CMPK2: variants seen among roughly 807,000 people sequenced by gnomAD.
The protein encoded by CMPK2 is UMP-CMP kinase 2, mitochondrial.
Under a neutral mutation model 33.4 loss-of-function variants are expected in CMPK2, and 32 were observed. The observed-to-expected ratio is 0.96, with a 90% confidence interval of 0.72 to 1.29. CMPK2 has a LOEUF of 1.29. CMPK2 is among the 50% of genes most tolerant of loss of function. The pLI, the probability that CMPK2 is intolerant of heterozygous loss-of-function variation, is 0.00. For missense variants in CMPK2, 672 were observed against 616.0 expected, an observed-to-expected ratio of 1.09 and a Z score of -0.96; for synonymous variants, 299 against 275.3, an observed-to-expected ratio of 1.09 and a Z score of -0.85.
downstream of CMPK2, among the ~76,000 whole-genome samples, chr2:6,847,249 A>G (rs1009599593): frequency 5.3e-5 from 8 of 152,216 alleles, no homozygotes; most frequent in Admixed American, 4.6e-4. Context: ...GGCTGAAGTT[A>G]TGATTCACAG....
At chr2:6,856,213 A>G (rs756186889) in intron 3 of CMPK2, among the ~76,000 whole-genome samples, 4 of 152,276 alleles carry the variant, frequency 2.6e-5, no homozygotes, top group Non-Finnish European at 4.4e-5. Flanking sequence ...AATGCATAAA[A>G]TTTAGTTCAC....
intron 3 of CMPK2, among the ~76,000 whole-genome samples, chr2:6,842,628 G>A (rs1458049813): frequency 6.6e-6 from 1 of 152,196 alleles, no homozygotes; most frequent in African/African-American, 2.4e-5. Context: ...GAAAGACTGA[G>A]GGTTGATGCT....
chr2:6,845,192 TA>T (rs1298658070), downstream of CMPK2, among the ~76,000 whole-genome samples: 1 of 152,026 alleles, frequency 6.6e-6, no homozygotes, highest in Admixed American at 6.5e-5. Context: ...GAATAGTATA[TA>T]AAAAAAGACT....
upstream of CMPK2, chr2:6,866,497 G>A (rs755199990): frequency 2.0e-6 from 2 of 985,098 alleles, no homozygotes; most frequent in East Asian, 1.1e-4. Context: ...GGGAAGTGTC[G>A]CCCAGATTGG....
intron 2 of CMPK2, among the ~76,000 whole-genome samples, chr2:6,863,112 G>T (rs1334016159): frequency 2.0e-5 from 3 of 152,144 alleles, no homozygotes; most frequent in African/African-American, 2.4e-5. Context: ...TCTTCTGTCT[G>T]GAGGATGTTA....
In CMPK2 at chr2:6,848,823, C is replaced by G. The variant is rs750942668; in HGVS notation, c.*1027G>C. On this transcript the variant is annotated 3_prime_UTR_variant, in exon 5 of 5. Transcript: ENST00000256722. ...TTTTCTGTCTAAAGATATGTCAAAG[C>G]GATTTCATATGTAATCATGAGACAT... 1 of 985,636 alleles carries G rather than the reference C, an allele frequency of 1.0e-6. No individual in the cohort carries two copies. Among genetic ancestry groups the G allele is most frequent in the Non-Finnish European group, 1.2e-6 (1 of 829,892 alleles). 61.1% of individuals were successfully genotyped at this position (985,636 alleles called of 1,614,324 possible).
intron 3 of CMPK2, among the ~76,000 whole-genome samples, chr2:6,855,248 G>A (rs1264393458): frequency 4.0e-5 from 6 of 151,590 alleles, no homozygotes; most frequent in African/African-American, 1.2e-4. Flanking sequence ...TGCTGTTCTC[G>A]TGATGGTGAG....
At chr2:6,841,112 TG>T (rs1662221770) in intron 3 of CMPK2, among the ~76,000 whole-genome samples, 1 of 152,116 alleles carries the variant, frequency 6.6e-6, no homozygotes, top group Non-Finnish European at 1.5e-5. Flanking sequence ...TGAGACCCCT[TG>T]GGTAACAGCT....
chr2:6,854,060 C>G (rs900273311), intron 3 of CMPK2, among the ~76,000 whole-genome samples: 1 of 152,170 alleles, frequency 6.6e-6, no homozygotes, highest in Non-Finnish European at 1.5e-5. Context: ...ACTTACCCAA[C>G]TCCTGTTACT....
chr2:6,850,805 G>A (rs1662495191), intron 4 of CMPK2: 1 of 985,748 alleles, frequency 1.0e-6, no homozygotes, highest in Non-Finnish European at 1.2e-6. Context: ...TTCTGCTTCA[G>A]TTTTTAAAGG....
Position 6,849,300 on chromosome 2 carries a change from T to C in CMPK2, c.*550A>G. ...TTACCCAAAAATGGCTCTGCAGGAG[T>C]GTCCTTGGGCAGCCAGGACACATAG... On this transcript the variant is annotated 3_prime_UTR_variant, in exon 5 of 5. Transcript: ENST00000256722. 1 of 985,250 alleles carries C rather than the reference T, an allele frequency of 1.0e-6. No homozygotes were observed. Among genetic ancestry groups the C allele is most frequent in the East Asian group, 1.1e-4 (1 of 8,788 alleles). 61.0% of individuals were successfully genotyped at this position (985,250 alleles called of 1,614,324 possible).
chr2:6,850,136 TAACA>T (rs1662471772), intron 4 of CMPK2, among the ~76,000 whole-genome samples, 163 bp from the exon 5 acceptor site: 1 of 152,364 alleles, frequency 6.6e-6, no homozygotes, highest in South Asian at 2.1e-4. Context: ...GCATTTTGTT[TAACA>T]AATAATAAAT....
At chr2:6,858,650 G>A (rs1662785736) in intron 3 of CMPK2, among the ~76,000 whole-genome samples, 1 of 152,190 alleles carries the variant, frequency 6.6e-6, no homozygotes, top group East Asian at 1.9e-4. Context: ...CTCTACTCTT[G>A]TCTGCTGCCA....
intron 3 of CMPK2, among the ~76,000 whole-genome samples, chr2:6,841,858 T>C (rs1204686858): frequency 6.6e-6 from 1 of 152,202 alleles, no homozygotes; most frequent in East Asian, 1.9e-4. Context: ...ATCTATTTCC[T>C]AATGGTATTT....
chr2:6,865,576 T>C lies in CMPK2; in HGVS notation c.121A>G (p.Thr41Ala). 2.9e-6 allele frequency: 4 copies of C among 1,378,592 alleles called. No homozygotes were observed. The highest frequency in any genetic ancestry group is 1.6e-5 in the South Asian group (1 of 62,698). The allele number at this position is 1,378,592 out of a possible 1,614,324, so 85.4% of individuals were successfully genotyped here. ...RRFVLELPDC[T>A]LAHFALGADA... ...GCGCCTAGGGCGAAGTGAGCCAGGG[T>C]GCAGTCGGGAAGCTCCAGGACGAAG... Residue 41 changes from threonine (T) to alanine (A), a missense_variant, in exon 1 of 5, where the codon ACC (threonine) becomes GCC (alanine). Thr to Ala is a moderately conservative substitution (Grantham distance 58, BLOSUM62 0). Coordinates refer to ENST00000256722, the MANE Select transcript of CMPK2 (RefSeq NM_207315.4).
Position 6,865,653 on chromosome 2 carries a change from G to T in CMPK2, c.44C>A (p.Pro15Gln), listed in dbSNP as rs1663056827. 1 of 1,333,252 alleles carries T rather than the reference G, an allele frequency of 7.5e-7. No homozygotes were observed. Among genetic ancestry groups the T allele is most frequent in the South Asian group, 2.0e-5 (1 of 49,972 alleles). 82.6% of individuals were successfully genotyped at this position (1,333,252 alleles called of 1,614,324 possible). A position where few individuals can be genotyped will look rare whatever the true frequency, so the allele number is the denominator to read the frequency against. ...GCAGACCCCGCGCCGCCCGAGCAGC[G>T]GCCCCGACAGTGGCCCGCGCAGGAG... is the stretch of plus-strand genomic sequence containing the variant. ...RRLLRGPLSG[P>Q]LLGRRGVCAG... The change falls in exon 1 of 5, where the codon CCG (proline) becomes CAG (glutamine). Residue 15 changes from proline to glutamine, a missense_variant. By Grantham distance (76) the Pro-to-Gln change is moderately conservative. Transcript: ENST00000256722.
Position 6,865,648 on chromosome 2 carries a change from G to GCAGCGGCCCCGA in CMPK2, c.37_48dup (p.Ser13_Leu16dup). The stretch of plus-strand genomic sequence containing the variant: ...CCAGCGCAGACCCCGCGCCGCCCGA[G>GCAGCGGCCCCGA]CAGCGGCCCCGACAGTGGCCCGCGC... On this transcript the variant is annotated inframe_insertion, in exon 1 of 5. Transcript: ENST00000256722. The GCAGCGGCCCCGA allele has an allele frequency of 7.4e-7, 1 of 1,344,466 alleles. No individual in the cohort carries two copies. The allele number at this position is 1,344,466 out of a possible 1,614,324, so 83.3% of individuals were successfully genotyped here. A position where few individuals can be genotyped will look rare whatever the true frequency, so the allele number is the denominator to read the frequency against.
rs1205941955 is a variant in CMPK2, at chr2:6,861,377, T to C, written c.799A>G (p.Thr267Ala). The C allele has an allele frequency of 6.2e-7, 1 of 1,613,958 alleles. No homozygotes were observed. Among genetic ancestry groups the C allele is most frequent in the South Asian group, 1.1e-5 (1 of 91,058 alleles). ...GAATCTGCCACTGACTGGGTCACCG[T>C]GGTTTTACCTGCAGGTCATACACAA... ...IEGLDATGKT[T>A]VTQSVADSLK... is the part of the protein sequence containing the mutation. Residue 267 changes from threonine to alanine, a missense_variant, in exon 3 of 5, where the codon ACG (threonine) becomes GCG (alanine). Transcript: ENST00000256722.
At chr2:6,863,292 T>C (rs1488753332) in intron 2 of CMPK2, among the ~76,000 whole-genome samples, 172 bp downstream of exon 2, 1 of 152,200 alleles carries the variant, frequency 6.6e-6, no homozygotes, top group Non-Finnish European at 1.5e-5. Flanking sequence ...CTGCTTCATA[T>C]TGAAGGTCTT....
Sources: gnomAD v4.1 joint callset for allele counts (sites outside exome capture counted in the v4.1 genomes callset) on GRCh38, gnomAD v4.1.1 for gene constraint, MANE v1.5 for transcripts, NCBI Gene and HGNC (gene_info 2026-07-23, HGNC 2026-07-21) for gene names.